The following EFCAB5 variants were observed in gnomAD, a reference collection of about 807,000 sequenced individuals.
EFCAB5 encodes EF-hand calcium-binding domain-containing protein 5.
A neutral mutation model predicts 167.9 loss-of-function variants in EFCAB5; 131 were observed. That is an observed-to-expected ratio of 0.78 (90% confidence interval 0.68 to 0.90). EFCAB5 has a LOEUF of 0.90. EFCAB5 is among the 40% of genes least tolerant of loss of function. The pLI is 0.00. For missense variants in EFCAB5, 1,663 were observed against 1,745.2 expected (o/e 0.95, Z 0.84); for synonymous variants, 574 against 602.8 (o/e 0.95, Z 0.70).
chr17:29,954,591 CA>C, intron 3 of EFCAB5, among the ~76,000 whole-genome samples: 1 of 152,320 alleles, frequency 6.6e-6, no homozygotes, highest in East Asian at 1.9e-4. Context: ...AAGTTTGCTG[CA>C]GGGATGGAGC....
At chr17:29,934,654 C>A (rs923812670) in intron 1 of EFCAB5, among the ~76,000 whole-genome samples, 10 of 152,164 alleles carry the variant, frequency 6.6e-5, no homozygotes, top group African/African-American at 2.2e-4. Flanking sequence ...TCAGTGTTTA[C>A]AATAGGCAGC....
chr17:29,957,984 C>T (rs1030431687), intron 3 of EFCAB5, among the ~76,000 whole-genome samples: 30 of 152,154 alleles, frequency 2.0e-4, no homozygotes, highest in African/African-American at 6.8e-4. Flanking sequence ...TTCTCCACAG[C>T]CTTGCCAGCA....
At chr17:30,045,185 C>T (rs1426939727) in intron 8 of EFCAB5, among the ~76,000 whole-genome samples, 2 of 152,036 alleles carry the variant, frequency 1.3e-5, no homozygotes, top group Non-Finnish European at 2.9e-5. Context: ...TGGCCGGGCA[C>T]GGTGGTTCAC....
intron 8 of EFCAB5, among the ~76,000 whole-genome samples, chr17:30,050,156 T>C (rs1244640822): frequency 6.6e-6 from 1 of 151,484 alleles, no homozygotes; most frequent in Non-Finnish European, 1.5e-5. Flanking sequence ...TTTTTTTAGA[T>C]GGAATTTTGC....
intron 14 of EFCAB5, among the ~76,000 whole-genome samples, chr17:30,069,873 A>C (rs1390853533): frequency 6.6e-6 from 1 of 152,208 alleles, no homozygotes; most frequent in Non-Finnish European, 1.5e-5. Flanking sequence ...CTGCACACCA[A>C]TGGGAAGTGG....
intron 4 of EFCAB5, among the ~76,000 whole-genome samples, chr17:29,983,688 A>G (rs1310595260): frequency 6.6e-6 from 1 of 152,214 alleles, no homozygotes; most frequent in Non-Finnish European, 1.5e-5. Context: ...AATGTAAAGT[A>G]AACATCTTCA....
At chr17:29,942,338 GGA>G in intron 2 of EFCAB5, 36 bp downstream of exon 2, 1 of 1,507,736 alleles carries the variant, frequency 6.6e-7, no homozygotes, top group South Asian at 1.3e-5. Context: ...TATTAATGCT[GGA>G]GAATAAGCTA....
chr17:29,946,380 G>C (rs1373358175), intron 3 of EFCAB5, among the ~76,000 whole-genome samples: 1 of 151,686 alleles, frequency 6.6e-6, no homozygotes, highest in Non-Finnish European at 1.5e-5. Context: ...TACACTGCTG[G>C]TGGGAATGTA....
At chr17:30,095,937 G>T (rs546397104) in intron 22 of EFCAB5, among the ~76,000 whole-genome samples, 2 of 152,316 alleles carry the variant, frequency 1.3e-5, no homozygotes, top group African/African-American at 4.8e-5. Flanking sequence ...GGGTTTAATA[G>T]AGAGCTAAGA....
At chr17:29,998,219 T>A (rs1395387585) in intron 6 of EFCAB5, among the ~76,000 whole-genome samples, 1 of 152,218 alleles carries the variant, frequency 6.6e-6, no homozygotes, top group African/African-American at 2.4e-5. Context: ...AGTCAGCTCA[T>A]CTTTTACTCT....
intron 1 of EFCAB5, 111 bp downstream of exon 1, chr17:29,941,949 G>A: frequency 2.5e-6 from 3 of 1,210,392 alleles, no homozygotes; most frequent in Non-Finnish European, 3.5e-6. Flanking sequence ...TTCTCTTTTT[G>A]GTTGAAGTAT....
chr17:29,953,984 C>T (rs558925664), intron 3 of EFCAB5, among the ~76,000 whole-genome samples: 1 of 152,254 alleles, frequency 6.6e-6, no homozygotes, highest in South Asian at 2.1e-4. Flanking sequence ...GCATTTTGCC[C>T]CTGCCCTAGA....
chr17:29,940,126 A>T (rs954480333), upstream of EFCAB5, among the ~76,000 whole-genome samples: 3 of 147,880 alleles, frequency 2.0e-5, no homozygotes, highest in Admixed American at 1.4e-4. Context: ...CCGAGGCTGG[A>T]GTGCAATGGC....
chr17:30,046,287 T>A (rs1162782046), intron 8 of EFCAB5, among the ~76,000 whole-genome samples: 1 of 152,174 alleles, frequency 6.6e-6, no homozygotes, highest in Non-Finnish European at 1.5e-5. Flanking sequence ...TATGGTTGCT[T>A]GGGTTGAAGT....
At chr17:29,948,024 C>T (rs1286686053) in intron 3 of EFCAB5, among the ~76,000 whole-genome samples, 4 of 152,122 alleles carry the variant, frequency 2.6e-5, no homozygotes, top group Non-Finnish European at 5.9e-5. Context: ...CGGGGTTTCA[C>T]CATGTTGGCC....
chr17:29,938,330 G>A (rs377739507), upstream of EFCAB5, among the ~76,000 whole-genome samples: 19 of 152,260 alleles, frequency 1.2e-4, no homozygotes, highest in Non-Finnish European at 1.6e-4. Flanking sequence ...GCTAACAATC[G>A]TATGAGCCTT....
At chr17:30,038,176 G>A (rs1454882268) in intron 8 of EFCAB5, among the ~76,000 whole-genome samples, 3 of 152,216 alleles carry the variant, frequency 2.0e-5, no homozygotes, top group Non-Finnish European at 4.4e-5. Flanking sequence ...TCTGAGAGAA[G>A]TCAATGCCTG....
intron 8 of EFCAB5, 102 bp downstream of exon 8, chr17:30,034,487 C>T: frequency 7.0e-7 from 1 of 1,433,812 alleles, no homozygotes; most frequent in Non-Finnish European, 9.3e-7. Flanking sequence ...TTACTTGAGC[C>T]CAGGAGTTTG....
chr17:30,064,746 A>G (rs2070515754), intron 14 of EFCAB5, among the ~76,000 whole-genome samples: 1 of 152,214 alleles, frequency 6.6e-6, no homozygotes, highest in African/African-American at 2.4e-5. Flanking sequence ...TCAAAGACAA[A>G]GAGAGAACTC....
Sources: gnomAD v4.1 joint callset for allele counts (sites outside exome capture counted in the v4.1 genomes callset) on GRCh38, gnomAD v4.1.1 for gene constraint, MANE v1.5 for transcripts, NCBI Gene and HGNC (gene_info 2026-07-23, HGNC 2026-07-21) for gene names.